Variants in CABP5 observed in about 807,000 individuals in gnomAD.
CABP5 encodes calcium-binding protein 5.
CABP5 carries 17 observed loss-of-function variants against 21.9 expected under a neutral mutation model. The ratio of observed to expected loss-of-function variants is 0.78; its 90% CI spans 0.53 to 1.17. CABP5 has a LOEUF of 1.17. Among genes scored for constraint, CABP5 ranks in the 50% most tolerant of loss-of-function variants. The pLI is 0.00. For synonymous variants in CABP5, 85 were observed against 79.4 expected, an observed-to-expected ratio of 1.07 and a Z score of -0.37; for missense variants, 229 against 228.9, an observed-to-expected ratio of 1.00 and a Z score of 0.00.
At chr19:48,043,159 G>A (rs903364347) in intron 1 of CABP5, among the ~76,000 whole-genome samples, 4 of 144,874 alleles carry the variant, frequency 2.8e-5, no homozygotes, top group Non-Finnish European at 6.1e-5. Context: ...GCAGATGCAT[G>A]CCACCATGCT....
chr19:48,042,264 C>T (rs1363395461), intron 1 of CABP5, among the ~76,000 whole-genome samples: 2 of 152,274 alleles, frequency 1.3e-5, no homozygotes, highest in Non-Finnish European at 2.9e-5. Context: ...TCACCTGCCT[C>T]CAATCTTCCT....
At chr19:48,042,247 T>A (rs1057138885) in intron 1 of CABP5, among the ~76,000 whole-genome samples, 1 of 152,120 alleles carries the variant, frequency 6.6e-6, no homozygotes, top group Non-Finnish European at 1.5e-5. Context: ...CCCCATTCAC[T>A]CCTTTCTCAC....
chr19:48,042,736 G>C (rs1426108504), intron 1 of CABP5, among the ~76,000 whole-genome samples: 1 of 151,484 alleles, frequency 6.6e-6, no homozygotes, highest in African/African-American at 2.4e-5. Flanking sequence ...CACTGCACCC[G>C]GCTAATTTTT....
chr19:48,035,271 T>C (rs1450973214), intron 4 of CABP5, among the ~76,000 whole-genome samples: 4 of 147,080 alleles, frequency 2.7e-5, no homozygotes, highest in Non-Finnish European at 4.6e-5. Flanking sequence ...TGTTTATTCA[T>C]GTTGTTGTAA....
chr19:48,040,617 T>C lies in CABP5; in HGVS notation c.226A>G (p.Ile76Val). The C allele has an allele frequency of 6.2e-7, 1 of 1,613,838 alleles. No homozygotes were observed. Among genetic ancestry groups the C allele is most frequent in the Non-Finnish European group, 8.5e-7 (1 of 1,179,810 alleles). ...TCCCTGGACTCACGGTTCATGCGGA[T>C]TTGCTGGCCGAGCTCAATCAGTTCC... ...EMELIELGQQIRMNLGGRVDF... is the reference protein window; with the variant it reads ...EMELIELGQQVRMNLGGRVDF... Residue 76 changes from isoleucine (I) to valine (V), a missense_variant, in exon 3 of 6, where the codon ATC becomes GTC. Physicochemically the swap from Ile to Val is conservative, Grantham distance 29 (BLOSUM62 3). Transcript: ENST00000293255.
chr19:48,036,639 G>T (rs1568413208), intron 4 of CABP5, among the ~76,000 whole-genome samples: 1 of 152,092 alleles, frequency 6.6e-6, no homozygotes, highest in African/African-American at 2.4e-5. Context: ...GACAAATATT[G>T]CTTTTAATGG....
chr19:48,030,296 G>T lies in CABP5; in HGVS notation c.*261C>A. 4.7e-6 allele frequency: 2 copies of T among 427,866 alleles called. No individual in the cohort carries two copies. Among genetic ancestry groups the T allele is most frequent in the Non-Finnish European group, 8.2e-6 (2 of 242,878 alleles). The allele number at this position is 427,866 out of a possible 1,614,324, so 26.5% of individuals were successfully genotyped here. A position where few individuals can be genotyped will look rare whatever the true frequency, so the allele number is the denominator to read the frequency against. On this transcript the variant is annotated 3_prime_UTR_variant, in exon 6 of 6. Coordinates refer to ENST00000293255, the MANE Select transcript of CABP5 (RefSeq NM_019855.5). ...TGTCAAGAATCATTGGAATTTTTGG[G>T]GGTGGCAACTGGACCCTCCCACGCT...
chr19:48,029,834 G>GAA lies in CABP5; in HGVS notation c.*722_*723insTT, dbSNP rs1470348898. Reference sequence around the variant, plus strand: ...AGAGAGAGAGAGAGAGAGAGAGAGAGAGAAACCAGACAGTGCTTCCAGGAA... The same window carrying GAA: ...AGAGAGAGAGAGAGAGAGAGAGAGAGAAAGAAACCAGACAGTGCTTCCAGGAA... On this transcript the variant is annotated 3_prime_UTR_variant, in exon 6 of 6. Coordinates refer to ENST00000293255, the MANE Select transcript of CABP5 (RefSeq NM_019855.5). The GAA allele has an allele frequency of 2.6e-5, 4 of 151,144 alleles. No individual in the cohort carries two copies. The highest frequency in any genetic ancestry group is 5.9e-5 in the Non-Finnish European group (4 of 67,846). The allele number at this position is 151,144 out of a possible 1,614,324, so 9.4% of individuals were successfully genotyped here.
intron 1 of CABP5, among the ~76,000 whole-genome samples, chr19:48,042,589 T>TC (rs1967495507): frequency 1.3e-5 from 2 of 152,044 alleles, no homozygotes; most frequent in East Asian, 3.9e-4. Flanking sequence ...TCTTTTTTTT[T>TC]TTTGAGACAC....
intron 5 of CABP5, among the ~76,000 whole-genome samples, chr19:48,032,459 A>T (rs75350378): frequency 0.31 from 45,757 of 147,420 alleles, 7,819 homozygotes; most frequent in Non-Finnish European, 0.39. Flanking sequence ...CCTCCCAAGT[A>T]GCTGGGACTA....
intron 5 of CABP5, among the ~76,000 whole-genome samples, chr19:48,032,811 A>G (rs1967357274): frequency 6.6e-6 from 1 of 151,508 alleles, no homozygotes. Flanking sequence ...GTATATTTTT[A>G]GTAGAGATGG....
chr19:48,039,824 G>A (rs1424248976), intron 3 of CABP5, among the ~76,000 whole-genome samples: 3 of 138,238 alleles, frequency 2.2e-5, no homozygotes, highest in Non-Finnish European at 4.5e-5. Flanking sequence ...AGCGATTCTC[G>A]TACCTTAGCC....
intron 5 of CABP5, 66 bp from the exon 6 acceptor site, chr19:48,030,648 G>T (rs1967329379): frequency 6.5e-7 from 1 of 1,536,570 alleles, no homozygotes; most frequent in Admixed American, 1.7e-5. Flanking sequence ...ATTATTTTTT[G>T]AGCCCTTCCT....
intron 5 of CABP5, among the ~76,000 whole-genome samples, chr19:48,033,641 G>C (rs1039104691): frequency 1.3e-5 from 2 of 152,100 alleles, no homozygotes; most frequent in Admixed American, 1.3e-4. Flanking sequence ...TATTCCAGAC[G>C]GAAGGACAAC....
intron 4 of CABP5, 103 bp downstream of exon 4, chr19:48,039,105 G>T: frequency 1.2e-6 from 1 of 820,640 alleles, no homozygotes; most frequent in Non-Finnish European, 2.0e-6. Context: ...AAAAAAAGGT[G>T]GGGGCCTGGT....
chr19:48,030,284 T>C lies in CABP5; in HGVS notation c.*273A>G, dbSNP rs1041438492. The C allele has an allele frequency of 9.4e-6, 4 of 425,908 alleles. No homozygotes were observed. The East Asian group carries it at 1.1e-4, about 12-fold the overall frequency. The allele number at this position is 425,908 out of a possible 1,614,324, so 26.4% of individuals were successfully genotyped here. On this transcript the variant is annotated 3_prime_UTR_variant, in exon 6 of 6. Coordinates refer to ENST00000293255, the MANE Select transcript of CABP5 (RefSeq NM_019855.5). ...GAAGTGAAAAGATGTCAAGAATCAT[T>C]GGAATTTTTGGGGGTGGCAACTGGA...
chr19:48,035,469 T>G (rs1889223429), intron 4 of CABP5, among the ~76,000 whole-genome samples: 1 of 152,214 alleles, frequency 6.6e-6, no homozygotes, highest in Non-Finnish European at 1.5e-5. Context: ...TGGTGGCGCA[T>G]GCCTGTAGTC....
In CABP5 at chr19:48,041,731, A is replaced by G. The variant is rs1600128702; in HGVS notation, c.64-128T>C. 7 of 780,116 alleles carry G rather than the reference A, an allele frequency of 9.0e-6. No individual in the cohort carries two copies. The East Asian group carries it at 1.2e-4, about 13-fold the overall frequency. The allele number at this position is 780,116 out of a possible 1,614,324, so 48.3% of individuals were successfully genotyped here. On this transcript the variant is annotated intron_variant, in intron 1 of 5. Coordinates refer to ENST00000293255, the MANE Select transcript of CABP5 (RefSeq NM_019855.5). ...CTTTCCATTCTCTCTCTCCTCCTCCATCCCTCCCATTCCTTTTCCCATCTC... is the reference window on the plus strand; with the variant it reads ...CTTTCCATTCTCTCTCTCCTCCTCCGTCCCTCCCATTCCTTTTCCCATCTC...
chr19:48,030,745 C>T (rs759912656), intron 5 of CABP5, among the ~76,000 whole-genome samples, 163 bp from the exon 6 acceptor site: 1 of 152,180 alleles, frequency 6.6e-6, no homozygotes, highest in East Asian at 1.9e-4. Flanking sequence ...GGAATCAGAT[C>T]TCTGTGGCAA....
Sources: allele counts gnomAD v4.1 joint callset (sites outside exome capture counted in the v4.1 genomes callset), GRCh38; gene constraint gnomAD v4.1.1; transcripts MANE v1.5; gene names NCBI Gene and HGNC (gene_info 2026-07-23, HGNC 2026-07-21).